The following TENM2 variants were observed in gnomAD, a reference collection of about 807,000 sequenced individuals.
TENM2 encodes teneurin-2.
Under a neutral mutation model 245.2 loss-of-function variants are expected in TENM2, and 52 were observed. The ratio of observed to expected loss-of-function variants is 0.21; its 90% CI spans 0.17 to 0.27. TENM2 has a LOEUF of 0.27. TENM2 is among the 10% of genes least tolerant of loss of function. The pLI is 1.00. For missense variants in TENM2, 3,046 were observed against 3,666.8 expected, an observed-to-expected ratio of 0.83 and a Z score of 4.37; for synonymous variants, 1,363 against 1,438.9, an observed-to-expected ratio of 0.95 and a Z score of 1.19.
intron 2 of TENM2, among the ~76,000 whole-genome samples, chr5:167,862,002 T>C (rs981042032): frequency 3.9e-5 from 6 of 152,352 alleles, no homozygotes; most frequent in East Asian, 1.9e-4. Context: ...ATGCCTCTTA[T>C]GTTATCTAAT....
chr5:167,668,541 G>T (rs948414040), intron 2 of TENM2, among the ~76,000 whole-genome samples: 1 of 152,132 alleles, frequency 6.6e-6, no homozygotes, highest in Non-Finnish European at 1.5e-5. Flanking sequence ...ACATTCCCTG[G>T]CTACTTAGGA....
intron 2 of TENM2, among the ~76,000 whole-genome samples, chr5:167,875,681 C>G (rs915668286): frequency 5.3e-5 from 8 of 152,076 alleles, no homozygotes; most frequent in African/African-American, 1.9e-4. Flanking sequence ...ATAATGAGGA[C>G]TTAGATTAGG....
chr5:167,599,018 TC>T (rs1776421376), intron 2 of TENM2, among the ~76,000 whole-genome samples: 1 of 152,200 alleles, frequency 6.6e-6, no homozygotes, highest in African/African-American at 2.4e-5. Context: ...TTTTAGGCAT[TC>T]TTTTGAGCTA....
the TENM2 span, among the ~76,000 whole-genome samples, chr5:167,009,221 C>G: frequency 1.3e-5 from 2 of 152,122 alleles, no homozygotes; most frequent in African/African-American, 2.4e-5. Context: ...GTGACATACA[C>G]CCCTACACAC....
chr5:167,853,724 C>T (rs1770817550), intron 2 of TENM2, among the ~76,000 whole-genome samples: 1 of 152,204 alleles, frequency 6.6e-6, no homozygotes, highest in Non-Finnish European at 1.5e-5. Flanking sequence ...ATTCCATAGA[C>T]TATTGCAATT....
the TENM2 span, among the ~76,000 whole-genome samples, chr5:167,113,534 T>C: frequency 6.6e-6 from 1 of 151,792 alleles, no homozygotes; most frequent in African/African-American, 2.4e-5. Context: ...TCCCAGTTAC[T>C]TGGGAGGCTG....
At chr5:167,197,075 A>T in the TENM2 span, among the ~76,000 whole-genome samples, 1 of 152,090 alleles carries the variant, frequency 6.6e-6, no homozygotes, top group African/African-American at 2.4e-5. Flanking sequence ...ACCTGGAGTC[A>T]TTAAGGAATT....
the TENM2 span, among the ~76,000 whole-genome samples, chr5:167,009,125 G>C: frequency 6.6e-6 from 1 of 150,858 alleles, no homozygotes; most frequent in Non-Finnish European, 1.5e-5. Context: ...AGAGACGTGA[G>C]CTCCAAAGTT....
intron 5 of TENM2, among the ~76,000 whole-genome samples, chr5:168,008,465 G>A (rs1218214181): frequency 6.6e-6 from 1 of 152,130 alleles, no homozygotes; most frequent in Non-Finnish European, 1.5e-5. Flanking sequence ...TTACCTAGTA[G>A]ATGCTCCATA....
At chr5:168,253,156 A>G (rs1248563934) in intron 27 of TENM2, among the ~76,000 whole-genome samples, 1 of 151,726 alleles carries the variant, frequency 6.6e-6, no homozygotes, top group Non-Finnish European at 1.5e-5. Context: ...TTTAGTAGAG[A>G]TGGGGTTTCA....
chr5:167,159,829 T>G, the TENM2 span, among the ~76,000 whole-genome samples: 1 of 152,108 alleles, frequency 6.6e-6, no homozygotes, highest in African/African-American at 2.4e-5. Context: ...ACAGAAAGAC[T>G]GGTGGTGCCC....
At chr5:167,030,941 G>A in the TENM2 span, among the ~76,000 whole-genome samples, 1 of 152,292 alleles carries the variant, frequency 6.6e-6, no homozygotes. Context: ...GTAGCGGTGC[G>A]CCTAAGCACC....
chr5:168,209,938 C>T (rs1163505800), intron 19 of TENM2, among the ~76,000 whole-genome samples: 1 of 152,102 alleles, frequency 6.6e-6, no homozygotes, highest in African/African-American at 2.4e-5. Context: ...CCACAAGAGA[C>T]CCTGAAGGCT....
intron 12 of TENM2, among the ~76,000 whole-genome samples, chr5:168,155,569 T>G (rs939091395): frequency 1.3e-5 from 2 of 152,164 alleles, no homozygotes; most frequent in East Asian, 3.9e-4. Flanking sequence ...GCTGGAGTTT[T>G]GGCTGGTGGT....
Position 167,558,669 on chromosome 5 carries a change from T to C in TENM2, c.502+183196T>C, listed in dbSNP as rs1367585871. On this transcript the variant is annotated intron_variant, in intron 2 of 28. Transcript: ENST00000518659. ...CTTCCATCACCCCCTGATGGGACCATCTAGTTACGGGAAAACAAGCTCAGG... is the reference window on the plus strand; with the variant it reads ...CTTCCATCACCCCCTGATGGGACCACCTAGTTACGGGAAAACAAGCTCAGG... Among the ~76,000 whole-genome samples the C allele has an allele frequency of 2.0e-5, 3 of 152,188 alleles. No homozygotes were observed. In the East Asian group the frequency reaches 5.8e-4, roughly 29 times the overall value.
At chr5:167,359,790 G>A (rs946200802) in intron 1 of TENM2, among the ~76,000 whole-genome samples, 1 of 152,078 alleles carries the variant, frequency 6.6e-6, no homozygotes, top group East Asian at 1.9e-4. Context: ...GATATGACTA[G>A]CCAGTTATCC....
intron 2 of TENM2, among the ~76,000 whole-genome samples, chr5:167,752,015 G>A (rs1761990347): frequency 6.6e-6 from 1 of 151,934 alleles, no homozygotes; most frequent in Admixed American, 6.6e-5. Context: ...TGGGTATGAT[G>A]CTTTCATCCT....
At chr5:167,235,338 T>C in the TENM2 span, among the ~76,000 whole-genome samples, 2 of 152,214 alleles carry the variant, frequency 1.3e-5, no homozygotes, top group South Asian at 4.1e-4. Context: ...CTTCAACATA[T>C]GAATTTGGGG....
chr5:167,943,996 G>A (rs548574347), intron 3 of TENM2, among the ~76,000 whole-genome samples: 1 of 152,058 alleles, frequency 6.6e-6, no homozygotes, highest in Non-Finnish European at 1.5e-5. Context: ...TTTTTATTTT[G>A]TCTTTGTCAC....
Sources: allele counts gnomAD v4.1 joint callset (sites outside exome capture counted in the v4.1 genomes callset), GRCh38; gene constraint gnomAD v4.1.1; transcripts MANE v1.5; gene names NCBI Gene and HGNC (gene_info 2026-07-23, HGNC 2026-07-21).